The following CC2D2B variants were observed in gnomAD, a reference collection of about 807,000 sequenced individuals.
CC2D2B encodes the protein coiled-coil and C2 domain containing 2B.
Under a neutral mutation model 161.2 loss-of-function variants are expected in CC2D2B, and 128 were observed. That is an observed-to-expected ratio of 0.79 (90% confidence interval 0.69 to 0.92). The LOEUF is 0.92. CC2D2B is among the 40% of genes least tolerant of loss of function. The pLI is 0.00. For synonymous variants in CC2D2B, 391 were observed against 449.8 expected, an observed-to-expected ratio of 0.87 and a Z score of 1.65; for missense variants, 1,173 against 1,375.1, an observed-to-expected ratio of 0.85 and a Z score of 2.32.
At chr10:95,925,447 A>G (rs1208856161) in intron 5 of CC2D2B, among the ~76,000 whole-genome samples, 1 of 152,234 alleles carries the variant, frequency 6.6e-6, no homozygotes, top group African/African-American at 2.4e-5. Context: ...CTCCCAATTA[A>G]TTATTTTAAC....
At chr10:95,941,251 G>C (rs1050562262) in intron 9 of CC2D2B, among the ~76,000 whole-genome samples, 1 of 152,220 alleles carries the variant, frequency 6.6e-6, no homozygotes, top group Non-Finnish European at 1.5e-5. Context: ...AGATGAGAAC[G>C]TGGAGGAAAG....
At chr10:95,924,939 C>G in intron 5 of CC2D2B, 95 bp downstream of exon 5, 1 of 691,474 alleles carries the variant, frequency 1.4e-6, no homozygotes, top group Non-Finnish European at 2.5e-6. Context: ...GTATATGACT[C>G]AATGATTTCT....
intron 1 of CC2D2B, among the ~76,000 whole-genome samples, chr10:95,909,064 G>A (rs2098501429): frequency 6.6e-6 from 1 of 152,182 alleles, no homozygotes; most frequent in Admixed American, 6.5e-5. Flanking sequence ...GGGTGATTTA[G>A]TTTTGTTGCC....
intron 20 of CC2D2B, 24 bp downstream of exon 20, chr10:95,988,366 T>C (rs2077812832): frequency 4.5e-6 from 5 of 1,108,550 alleles, no homozygotes; most frequent in Non-Finnish European, 5.7e-6. Context: ...ATTATCAATA[T>C]ATTTGCATTT....
At chr10:95,988,714 A>G (rs1326710912) in intron 20 of CC2D2B, among the ~76,000 whole-genome samples, 1 of 152,186 alleles carries the variant, frequency 6.6e-6, no homozygotes, top group Non-Finnish European at 1.5e-5. Context: ...TGAAGGGATG[A>G]AGGAGCTACC....
At chr10:95,910,477 A>AG (rs1198019301) in intron 1 of CC2D2B, among the ~76,000 whole-genome samples, 1 of 152,126 alleles carries the variant, frequency 6.6e-6, no homozygotes, top group African/African-American at 2.4e-5. Flanking sequence ...GGGAGGTCCT[A>AG]GACAGACTCT....
chr10:95,988,517 G>A lies in CC2D2B; in HGVS notation c.2379+175G>A, dbSNP rs578145152. ...TTTCAGACCTCTTTTTGAGAGTTAG[G>A]TTACTTCATTGACAGTGAACTCATT... On this transcript the variant is annotated intron_variant, in intron 20 of 34. Coordinates refer to ENST00000646931, the MANE Select transcript of CC2D2B (RefSeq NM_001349008.3). Among the ~76,000 whole-genome samples the A allele has an allele frequency of 3.9e-5, 6 of 152,248 alleles. No individual in the cohort carries two copies. The South Asian group carries it at 1.2e-3, about 32-fold the overall frequency.
intron 10 of CC2D2B, among the ~76,000 whole-genome samples, chr10:95,954,639 G>C (rs757513668): frequency 6.6e-6 from 1 of 152,030 alleles, no homozygotes; most frequent in East Asian, 1.9e-4. Context: ...TTAAAACCCT[G>C]TTACCATCTT....
intron 14 of CC2D2B, among the ~76,000 whole-genome samples, chr10:95,966,998 C>T (rs914057598): frequency 5.3e-5 from 8 of 152,060 alleles, no homozygotes; most frequent in African/African-American, 1.9e-4. Flanking sequence ...ATCTCTATCC[C>T]ATGGCACACT....
chr10:95,980,404 T>G (rs1243826882), intron 17 of CC2D2B, among the ~76,000 whole-genome samples: 1 of 152,014 alleles, frequency 6.6e-6, no homozygotes, highest in African/African-American at 2.4e-5. Context: ...AATTACAACT[T>G]TCTTTGTTGT....
Position 95,914,967 on chromosome 10 carries a change from T to C in CC2D2B, c.36+3608T>C, listed in dbSNP as rs1316379579. On this transcript the variant is annotated intron_variant, in intron 2 of 34. Coordinates refer to ENST00000646931, the MANE Select transcript of CC2D2B (RefSeq NM_001349008.3). ...TTTGTGAAGAACGTTCTTGGTATTT[T>C]GATAGGGATTGGATTGAATACGTAG... is the stretch of plus-strand genomic sequence containing the variant. 3.0e-4 allele frequency among the ~76,000 whole-genome samples: 45 copies of C among 152,212 alleles called. 1 individual carries two copies. Among genetic ancestry groups the C allele is most frequent in the Admixed American group, 2.9e-3 (45 of 15,284 alleles).
chr10:95,952,302 T>A (rs977374310), intron 10 of CC2D2B: 1 of 152,172 alleles, frequency 6.6e-6, no homozygotes, highest in Admixed American at 6.5e-5. Flanking sequence ...CTATGCAGAT[T>A]TCTGCTCTTT....
chr10:95,975,060 G>A (rs1017621285), intron 17 of CC2D2B, among the ~76,000 whole-genome samples: 4 of 152,200 alleles, frequency 2.6e-5, no homozygotes, highest in African/African-American at 9.6e-5. Flanking sequence ...TCCAGCGAGG[G>A]ATGTTAACAG....
intron 2 of CC2D2B, 120 bp downstream of exon 2, chr10:95,911,479 TA>T: frequency 5.0e-6 from 1 of 198,202 alleles, no homozygotes; most frequent in Non-Finnish European, 1.0e-5. Flanking sequence ...AATTCATATG[TA>T]AAAAAAGAAA....
chr10:96,020,003 G>GA lies in CC2D2B; in HGVS notation c.3888+185dup. Reference sequence around the variant, plus strand: ...TCACAGGCTCTTTCCCCTACTTGCAGAAAAAATAAATTGAGAAGAAAGTGA... The same window carrying GA: ...TCACAGGCTCTTTCCCCTACTTGCAGAAAAAAATAAATTGAGAAGAAAGTGA... On this transcript the variant is annotated intron_variant, in intron 32 of 34. Transcript: ENST00000646931. The GA allele has an allele frequency of 7.9e-6, 4 of 504,840 alleles. No homozygotes were observed. The South Asian group carries it at 1.1e-4, about 13-fold the overall frequency. 31.3% of individuals were successfully genotyped at this position (504,840 alleles called of 1,614,324 possible). A position where few individuals can be genotyped will look rare whatever the true frequency, so the allele number is the denominator to read the frequency against.
intron 24 of CC2D2B, among the ~76,000 whole-genome samples, chr10:95,999,053 C>T (rs1437465441): frequency 6.6e-6 from 1 of 152,032 alleles, no homozygotes; most frequent in Non-Finnish European, 1.5e-5. Context: ...TGCACTCCAG[C>T]CTGGGCGACA....
At chr10:96,010,356 A>G (rs899183740) in intron 26 of CC2D2B, among the ~76,000 whole-genome samples, 1 of 152,146 alleles carries the variant, frequency 6.6e-6, no homozygotes, top group Non-Finnish European at 1.5e-5. Flanking sequence ...GTAGCAGGAA[A>G]ATGCCTACAT....
Position 95,983,776 on chromosome 10 carries a change from C to T in CC2D2B, c.2253C>T (p.Leu751=), listed in dbSNP as rs1354366611. The T allele has an allele frequency of 7.3e-6, 9 of 1,230,116 alleles. No individual in the cohort carries two copies. The South Asian group carries it at 2.9e-4, about 39-fold the overall frequency. The allele number at this position is 1,230,116 out of a possible 1,614,324, so 76.2% of individuals were successfully genotyped here. The stretch of plus-strand genomic sequence containing the variant: ...ATTTCCTTCTACAGCAAATGCCCCT[C>T]CATGATACAGAGATTCCAGATTTAG... ...LDNFLLQQMP[L]HDTEIPDLVF... The change falls in exon 19 of 35, where the codon CTC becomes CTT. Residue 751 remains leucine (L), a synonymous_variant. Coordinates refer to ENST00000646931, the MANE Select transcript of CC2D2B (RefSeq NM_001349008.3).
chr10:95,951,992 C>G (rs566605604), intron 10 of CC2D2B, among the ~76,000 whole-genome samples: 2 of 152,240 alleles, frequency 1.3e-5, no homozygotes, highest in South Asian at 4.2e-4. Flanking sequence ...GCATAATCTT[C>G]TCTTCTGAGG....
Sources: allele counts gnomAD v4.1 joint callset (sites outside exome capture counted in the v4.1 genomes callset), GRCh38; gene constraint gnomAD v4.1.1; transcripts MANE v1.5; gene names NCBI Gene and HGNC (gene_info 2026-07-23, HGNC 2026-07-21).